The following ABRAXAS2 variants were observed in gnomAD, a reference collection of about 807,000 sequenced individuals.
ABRAXAS2 encodes BRISC complex subunit Abraxas 2.
In ABRAXAS2, 23 loss-of-function variants were observed where a neutral mutation model predicts 49.0. The ratio of observed to expected loss-of-function variants is 0.47; its 90% CI spans 0.34 to 0.66. ABRAXAS2 has a LOEUF of 0.66. Ranked by LOEUF, ABRAXAS2 falls within the 30% of genes least tolerant of loss-of-function variation. The pLI is 0.01. For missense variants in ABRAXAS2, 443 were observed against 511.9 expected (o/e 0.87, Z 1.30); for synonymous variants, 168 against 180.2 (o/e 0.93, Z 0.54).
intron 4 of ABRAXAS2, among the ~76,000 whole-genome samples, chr10:124,825,975 TCACATTATGAGAA>T (rs1950893694): frequency 1.3e-5 from 2 of 152,176 alleles, no homozygotes; most frequent in Admixed American, 6.5e-5. Flanking sequence ...GACCAACAAA[TCACATTATGAGAA>T]GTATTCTTCC....
At chr10:124,828,902 T>C (rs752165351) in intron 6 of ABRAXAS2, 27 bp downstream of exon 6, 2 of 1,604,416 alleles carry the variant, frequency 1.2e-6, no homozygotes, top group Non-Finnish European at 1.7e-6. Context: ...AGTGCTAGTT[T>C]TTTCTTTTGT....
rs1391965472 is a variant in ABRAXAS2 at position 124,835,203 on chromosome 10, G to A, written c.*232G>A. On this transcript the variant is annotated 3_prime_UTR_variant, in exon 9 of 9. Coordinates refer to ENST00000298492, the MANE Select transcript of ABRAXAS2 (RefSeq NM_032182.4). ...AGATAATCAAATTGTCCTAATTCTGGTGCGATTCATGGATATACTGGTAAA... is the reference window on the plus strand; with the variant it reads ...AGATAATCAAATTGTCCTAATTCTGATGCGATTCATGGATATACTGGTAAA... 2 of 405,992 alleles carry A rather than the reference G, an allele frequency of 4.9e-6. No homozygotes were observed. The highest frequency in any genetic ancestry group is 2.0e-5 in the African/African-American group (1 of 49,014). The allele number at this position is 405,992 out of a possible 1,614,324, so 25.1% of individuals were successfully genotyped here.
Position 124,835,056 on chromosome 10 carries a change from A to C in ABRAXAS2, c.*85A>C. On this transcript the variant is annotated 3_prime_UTR_variant, in exon 9 of 9. Transcript: ENST00000298492. ...TTTGAGAACTTAATCTGGGGGGAGA[A>C]CTGCTTTCTCAGATACCTTAACTCC... 1 of 1,064,458 alleles carries C rather than the reference A, an allele frequency of 9.4e-7. No homozygotes were observed. 65.9% of individuals were successfully genotyped at this position (1,064,458 alleles called of 1,614,324 possible).
At chr10:124,821,027 C>T (rs1950858091) in intron 4 of ABRAXAS2, among the ~76,000 whole-genome samples, 1 of 151,944 alleles carries the variant, frequency 6.6e-6, no homozygotes, top group Non-Finnish European at 1.5e-5. Flanking sequence ...GATCCTCCCA[C>T]CTCAGCCCCC....
intron 8 of ABRAXAS2, among the ~76,000 whole-genome samples, chr10:124,832,469 A>G (rs1950939484): frequency 6.6e-6 from 1 of 152,254 alleles, no homozygotes; most frequent in African/African-American, 2.4e-5. Flanking sequence ...AAGAATATAT[A>G]TAATCCAGTT....
chr10:124,802,336 G>A (rs1195885276), intron 1 of ABRAXAS2, among the ~76,000 whole-genome samples: 1 of 152,248 alleles, frequency 6.6e-6, no homozygotes, highest in Non-Finnish European at 1.5e-5. Flanking sequence ...GGTCTCGCAG[G>A]TTGTCGTGGG....
intron 1 of ABRAXAS2, 98 bp downstream of exon 1, chr10:124,801,999 CT>C: frequency 3.1e-6 from 4 of 1,284,764 alleles, no homozygotes; most frequent in Non-Finnish European, 4.4e-6. Flanking sequence ...GGCTCGCCCC[CT>C]GGGCACCAGG....
At chr10:124,825,317 CAAAAAAA>C (rs34358193) in intron 4 of ABRAXAS2, among the ~76,000 whole-genome samples, 2 of 103,968 alleles carry the variant, frequency 1.9e-5, no homozygotes, top group Non-Finnish European at 3.6e-5. Flanking sequence ...GACTCTGTCT[CAAAAAAA>C]AAAAAAAAAA....
chr10:124,824,025 C>A (rs1383949268), intron 4 of ABRAXAS2, among the ~76,000 whole-genome samples: 1 of 152,106 alleles, frequency 6.6e-6, no homozygotes, highest in Non-Finnish European at 1.5e-5. Flanking sequence ...TCAAGTGATC[C>A]CCCTGCCTCA....
At chr10:124,813,988 T>TTTTA (rs564947121) in intron 2 of ABRAXAS2, among the ~76,000 whole-genome samples, 151 of 152,188 alleles carry the variant, frequency 9.9e-4, no homozygotes, top group African/African-American at 3.4e-3. Context: ...ACTTTATCAT[T>TTTTA]TTTATTTATT....
At chr10:124,832,299 CTGAA>C (rs1260173811) in intron 8 of ABRAXAS2, among the ~76,000 whole-genome samples, 3 of 152,126 alleles carry the variant, frequency 2.0e-5, no homozygotes, top group African/African-American at 7.2e-5. Context: ...AACAAACTGA[CTGAA>C]TGAGAATTAG....
intron 2 of ABRAXAS2, 122 bp from the exon 3 acceptor site, chr10:124,816,454 G>C: frequency 3.0e-6 from 2 of 673,316 alleles, no homozygotes; most frequent in South Asian, 1.8e-5. Context: ...CAACTGTTTG[G>C]CAGAGGGAAA....
At chr10:124,804,713 C>CTTTTTT (rs1444245073) in intron 1 of ABRAXAS2, among the ~76,000 whole-genome samples, 1 of 90,140 alleles carries the variant, frequency 1.1e-5, no homozygotes, top group Admixed American at 1.5e-4. Context: ...TTCTTTTTTT[C>CTTTTTT]TTTCTTTTTT....
intron 4 of ABRAXAS2, among the ~76,000 whole-genome samples, chr10:124,821,270 G>A (rs1323450291): frequency 6.7e-6 from 1 of 149,974 alleles, no homozygotes; most frequent in African/African-American, 2.4e-5. Flanking sequence ...AAATTCACAA[G>A]AGAAAGAAGA....
At chr10:124,831,842 C>CTTTTTTT (rs71029219) in intron 8 of ABRAXAS2, among the ~76,000 whole-genome samples, 5 of 37,722 alleles carry the variant, frequency 1.3e-4, no homozygotes, top group Non-Finnish European at 2.3e-4. Context: ...TGTGTCCTGT[C>CTTTTTTT]TTTTTTTTTT....
In ABRAXAS2 at chr10:124,834,522, A is replaced by G. The variant is rs766863439; in HGVS notation, c.799A>G (p.Ser267Gly). ...QERRLQQAVL[S>G]RQMPSESLDP... ...TCCAGGATTGCAGCAGGCAGTGTTA[A>G]GCAGACAGATGCCGTCTGAAAGCTT... Residue 267 changes from serine (S) to glycine (G), a missense_variant, in exon 9 of 9, where the codon AGC becomes GGC. Physicochemically the swap from Ser to Gly is moderately conservative, Grantham distance 56. Coordinates refer to ENST00000298492, the MANE Select transcript of ABRAXAS2 (RefSeq NM_032182.4). The G allele has an allele frequency of 4.3e-6, 7 of 1,613,948 alleles. No individual in the cohort carries two copies. The Admixed American group carries it at 1.2e-4, about 27-fold the overall frequency.
intron 2 of ABRAXAS2, among the ~76,000 whole-genome samples, chr10:124,813,299 C>T (rs1447530096): frequency 6.6e-6 from 1 of 152,222 alleles, no homozygotes; most frequent in Non-Finnish European, 1.5e-5. Flanking sequence ...TCACTTGAAG[C>T]AGAGCTGTCT....
rs1261171148 is a variant in ABRAXAS2 at position 124,829,459 on chromosome 10, A to G, written c.645A>G (p.Ala215=). 1.2e-6 allele frequency: 2 copies of G among 1,606,364 alleles called. No homozygotes were observed. Among genetic ancestry groups the G allele is most frequent in the Non-Finnish European group, 8.5e-7 (1 of 1,175,202 alleles). Residue 215 remains alanine, a synonymous_variant, in exon 7 of 9, where the codon GCA becomes GCG. Coordinates refer to ENST00000298492, the MANE Select transcript of ABRAXAS2 (RefSeq NM_032182.4). The part of the protein sequence containing the change: ...DIRAIYQVYN[A]LQEKVQAVCA... ...GGGCGATTTATCAGGTTTATAATGCACTTCAGGAGAAAGTTCAGGTAACTG... is the reference window on the plus strand; with the variant it reads ...GGGCGATTTATCAGGTTTATAATGCGCTTCAGGAGAAAGTTCAGGTAACTG...
intron 1 of ABRAXAS2, among the ~76,000 whole-genome samples, chr10:124,805,768 A>G (rs1422973860): frequency 6.6e-6 from 1 of 152,232 alleles, no homozygotes; most frequent in East Asian, 1.9e-4. Context: ...CCATTTGAGT[A>G]AAGACCTGAA....
Sources: gnomAD v4.1 joint callset for allele counts (sites outside exome capture counted in the v4.1 genomes callset) on GRCh38, gnomAD v4.1.1 for gene constraint, MANE v1.5 for transcripts, NCBI Gene and HGNC (gene_info 2026-07-23, HGNC 2026-07-21) for gene names.